ST8SIA6: variants seen among roughly 807,000 people sequenced by gnomAD.
The protein encoded by ST8SIA6 is alpha-2,8-sialyltransferase 8F.
ST8SIA6 carries 39 observed loss-of-function variants against 33.6 expected under a neutral mutation model. The observed-to-expected ratio is 1.16, with a 90% confidence interval of 0.90 to 1.52. ST8SIA6 has a LOEUF of 1.52. Among genes scored for constraint, ST8SIA6 ranks in the 40% most tolerant of loss-of-function variants. ST8SIA6 has a pLI of 0.00. For synonymous variants in ST8SIA6, 172 were observed against 167.2 expected (o/e 1.03, Z -0.22); for missense variants, 441 against 443.8 (o/e 0.99, Z 0.06).
intron 2 of ST8SIA6, among the ~76,000 whole-genome samples, chr10:17,420,150 A>G (rs1046722350): frequency 2.0e-5 from 3 of 152,234 alleles, no homozygotes; most frequent in Non-Finnish European, 4.4e-5. Flanking sequence ...ACTGTGGCTT[A>G]TGCCTGTAAT....
chr10:17,450,320 C>T (rs903708374), intron 2 of ST8SIA6, among the ~76,000 whole-genome samples: 20 of 152,094 alleles, frequency 1.3e-4, no homozygotes, highest in Admixed American at 7.9e-4. Flanking sequence ...GCCTGGACAC[C>T]GGATGGAAAA....
chr10:17,318,789 AC>A lies in ST8SIA6; in HGVS notation c.*2088del, dbSNP rs573220169. On this transcript the variant is annotated 3_prime_UTR_variant, in exon 8 of 8. Transcript: ENST00000377602. ...TACAGAACAAAAAGAACTGTGACTT[AC>A]GTTTTACAGTTTACATAGCTGACAT... The A allele has an allele frequency of 8.1e-3, 3,770 of 463,982 alleles. 149 individuals carry two copies. Among genetic ancestry groups the A allele is most frequent in the South Asian group, 0.056 (3,575 of 63,306 alleles). The allele number at this position is 463,982 out of a possible 1,614,324, so 28.7% of individuals were successfully genotyped here.
rs138113378 is a variant in ST8SIA6 at position 17,332,353 on chromosome 10, C to T, written c.378-801G>A. Among the ~76,000 whole-genome samples the T allele has an allele frequency of 1.8e-4, 28 of 152,278 alleles. 1 individual carries two copies. The East Asian group carries it at 5.4e-3, about 29-fold the overall frequency. On this transcript the variant is annotated intron_variant, in intron 4 of 7. Coordinates refer to ENST00000377602, the MANE Select transcript of ST8SIA6 (RefSeq NM_001004470.3). The stretch of plus-strand genomic sequence containing the variant: ...CAAATGGTATTTCTGGTTCTAGATC[C>T]TTGAGGAATAATCATACTGTCTTCC...
intron 4 of ST8SIA6, among the ~76,000 whole-genome samples, chr10:17,348,342 A>G (rs1373102127): frequency 2.6e-5 from 4 of 151,926 alleles, no homozygotes; most frequent in Non-Finnish European, 5.9e-5. Flanking sequence ...TTACACCAAT[A>G]TGCTACTCTG....
At chr10:17,440,935 C>T (rs977724229) in intron 2 of ST8SIA6, among the ~76,000 whole-genome samples, 4 of 152,010 alleles carry the variant, frequency 2.6e-5, no homozygotes, top group Admixed American at 2.6e-4. Flanking sequence ...TCACATCTGC[C>T]CATTTTTAAA....
intron 2 of ST8SIA6, among the ~76,000 whole-genome samples, chr10:17,447,851 G>A: frequency 6.6e-6 from 1 of 152,110 alleles, no homozygotes; most frequent in East Asian, 1.9e-4. Flanking sequence ...GTCTCACTCT[G>A]TTGTCCAGGA....
chr10:17,319,959 G>C lies in ST8SIA6; in HGVS notation c.*919C>G, dbSNP rs990379511. 20 of 152,100 alleles carry C rather than the reference G, an allele frequency of 1.3e-4. No homozygotes were observed. The highest frequency in any genetic ancestry group is 4.8e-4 in the African/African-American group (20 of 41,402). 9.4% of individuals were successfully genotyped at this position (152,100 alleles called of 1,614,324 possible). ...CACTTTATTCATAGCTTTTGTCATT[G>C]TAATACTTATCATACCCCATCATAA... On this transcript the variant is annotated 3_prime_UTR_variant, in exon 8 of 8. Transcript: ENST00000377602.
At chr10:17,391,618 A>G (rs370224709) in intron 2 of ST8SIA6, among the ~76,000 whole-genome samples, 13 of 152,336 alleles carry the variant, frequency 8.5e-5, no homozygotes, top group African/African-American at 2.4e-4. Flanking sequence ...ATAGGAGATC[A>G]TTAACTCTCT....
chr10:17,367,541 T>A (rs1849594115), intron 3 of ST8SIA6, among the ~76,000 whole-genome samples: 1 of 152,114 alleles, frequency 6.6e-6, no homozygotes, highest in East Asian at 1.9e-4. Flanking sequence ...CCTGCAAATA[T>A]ATCACCAGGA....
chr10:17,444,623 T>TA (rs1442653931), intron 2 of ST8SIA6, among the ~76,000 whole-genome samples: 5 of 152,178 alleles, frequency 3.3e-5, no homozygotes, highest in Non-Finnish European at 7.4e-5. Context: ...CCATACTCTG[T>TA]AGCCCTCTAC....
intron 2 of ST8SIA6, among the ~76,000 whole-genome samples, chr10:17,443,955 C>T (rs1281307425): frequency 6.6e-6 from 1 of 152,176 alleles, no homozygotes; most frequent in Non-Finnish European, 1.5e-5. Context: ...TAAAAGGAAT[C>T]GCTGCACCTT....
At chr10:17,352,207 G>C (rs568681137) in intron 4 of ST8SIA6, among the ~76,000 whole-genome samples, 1 of 152,170 alleles carries the variant, frequency 6.6e-6, no homozygotes, top group East Asian at 1.9e-4. Context: ...GGAATAATAA[G>C]TAAAACTCTT....
At position 17,318,193 on chromosome 10, in the gene ST8SIA6, T is replaced by C. The variant is rs996763681; in HGVS notation, c.*2685A>G. 5.9e-5 allele frequency among the ~76,000 whole-genome samples: 9 copies of C among 151,950 alleles called. No homozygotes were observed. The highest frequency in any genetic ancestry group is 1.7e-4 in the African/African-American group (7 of 41,310). On this transcript the variant is annotated 3_prime_UTR_variant, in exon 8 of 8. Coordinates refer to ENST00000377602, the MANE Select transcript of ST8SIA6 (RefSeq NM_001004470.3). ...ACTGGTAGTATGCAGCGTTATGAGC[T>C]AGAATCCTAACTAAAGGGCTACTTT...
intron 3 of ST8SIA6, 58 bp from the exon 4 acceptor site, chr10:17,359,658 A>G: frequency 9.0e-7 from 1 of 1,106,406 alleles, no homozygotes; most frequent in Non-Finnish European, 1.3e-6. Context: ...AAGTCTTCTT[A>G]GAAGATACTG....
rs140045529 is a variant in ST8SIA6 at position 17,342,793 on chromosome 10, A to G, written c.378-11241T>C. Reference sequence around the variant, plus strand: ...GTGAGACCCCCTCTCTACTAAAAATACAAAAATTAGCCGGGCATAGTGGTG... The same window carrying G: ...GTGAGACCCCCTCTCTACTAAAAATGCAAAAATTAGCCGGGCATAGTGGTG... On this transcript the variant is annotated intron_variant, in intron 4 of 7. Transcript: ENST00000377602. Among the ~76,000 whole-genome samples, 45 of 152,186 alleles carry G rather than the reference A, an allele frequency of 3.0e-4. No individual in the cohort carries two copies. In the East Asian group the frequency reaches 8.1e-3, roughly 27 times the overall value.
At chr10:17,443,451 A>G (rs892250551) in intron 2 of ST8SIA6, among the ~76,000 whole-genome samples, 3 of 152,240 alleles carry the variant, frequency 2.0e-5, no homozygotes, top group African/African-American at 7.2e-5. Flanking sequence ...GCATTTAAAA[A>G]TTATACGGTA....
At chr10:17,399,076 G>A (rs1168562473) in intron 2 of ST8SIA6, 1 of 152,124 alleles carries the variant, frequency 6.6e-6, no homozygotes, top group Non-Finnish European at 1.5e-5. Context: ...TTTAACAAAA[G>A]TCTGCCTTTG....
At chr10:17,333,690 TATATATATATATATATATA>T (rs1848381889) in intron 4 of ST8SIA6, among the ~76,000 whole-genome samples, 597 of 39,132 alleles carry the variant, frequency 0.015, 120 homozygotes, top group East Asian at 0.048. Context: ...TATATATATA[TATATATATATATATATATA>T]TATATATATT....
chr10:17,441,302 A>ATATTTATT (rs1175088506), intron 2 of ST8SIA6, among the ~76,000 whole-genome samples: 4 of 81,364 alleles, frequency 4.9e-5, no homozygotes, highest in South Asian at 3.7e-4. Context: ...CATCTAAATT[A>ATATTTATT]TCTTTATTTA....
Sources: allele counts gnomAD v4.1 joint callset (sites outside exome capture counted in the v4.1 genomes callset), GRCh38; gene constraint gnomAD v4.1.1; transcripts MANE v1.5; gene names NCBI Gene and HGNC (gene_info 2026-07-23, HGNC 2026-07-21).